Variants in PRDM1 observed in about 807,000 individuals in gnomAD.
PRDM1 encodes PR/SET domain 1.
Under a neutral mutation model 62.8 loss-of-function variants are expected in PRDM1, and 13 were observed. That is an observed-to-expected ratio of 0.21 (90% CI 0.13 to 0.33). The LOEUF (loss-of-function observed/expected upper bound fraction) is 0.33. PRDM1 is among the 10% of genes least tolerant of loss of function. The pLI, the probability that PRDM1 is intolerant of heterozygous loss-of-function variation, is 1.00. For missense variants in PRDM1, 895 were observed against 1,058.8 expected, an observed-to-expected ratio of 0.85 and a Z score of 2.15; for synonymous variants, 396 against 417.6, an observed-to-expected ratio of 0.95 and a Z score of 0.63.
chr6:106,032,328 T>C (rs961743553), intron 1 of PRDM1, among the ~76,000 whole-genome samples: 1 of 148,264 alleles, frequency 6.7e-6, no homozygotes, highest in African/African-American at 2.5e-5. Flanking sequence ...CCAGCTAATT[T>C]TTTTTTTTTT....
intron 1 of PRDM1, among the ~76,000 whole-genome samples, chr6:106,040,159 C>G (rs1267962480): frequency 6.6e-6 from 1 of 152,240 alleles, no homozygotes; most frequent in South Asian, 2.1e-4. Context: ...CTGCTTAACT[C>G]TTTCTTATCT....
At chr6:106,026,123 T>G (rs1232128008) in intron 1 of PRDM1, among the ~76,000 whole-genome samples, 1 of 152,240 alleles carries the variant, frequency 6.6e-6, no homozygotes, top group African/African-American at 2.4e-5. Context: ...GTTTAAGGTT[T>G]TCTTTTTCAT....
chr6:106,008,588 T>C (rs1456628577), intron 1 of PRDM1, among the ~76,000 whole-genome samples: 8 of 152,118 alleles, frequency 5.3e-5, no homozygotes, highest in Admixed American at 5.2e-4. Flanking sequence ...ATAGACAAGA[T>C]AAGTCAAGCG....
In PRDM1 at chr6:106,038,063, C is replaced by T. The variant is rs1183693596; in HGVS notation, c.-67+44424C>T. Among the ~76,000 whole-genome samples, 5 of 100,424 alleles carry T rather than the reference C, an allele frequency of 5.0e-5. No individual in the cohort carries two copies. In the East Asian group the frequency reaches 1.4e-3, roughly 28 times the overall value. 65.9% of individuals were successfully genotyped at this position (100,424 alleles called of 152,430 possible). A position where few individuals can be genotyped will look rare whatever the true frequency, so the allele number is the denominator to read the frequency against. On this transcript the variant is annotated intron_variant, in intron 1 of 6. Coordinates refer to the PRDM1 transcript ENST00000652320. Reference sequence around the variant, plus strand: ...ACAGAGTCTCACTCTGTCACCCAGGCTAGAGTGCAGTGACATGATCTTGGC... The same window carrying T: ...ACAGAGTCTCACTCTGTCACCCAGGTTAGAGTGCAGTGACATGATCTTGGC...
chr6:106,049,704 A>G (rs1244203911), intron 1 of PRDM1, among the ~76,000 whole-genome samples: 1 of 152,096 alleles, frequency 6.6e-6, no homozygotes, highest in African/African-American at 2.4e-5. Flanking sequence ...ACACACACAA[A>G]CACACAGGTG....
intron 1 of PRDM1, among the ~76,000 whole-genome samples, chr6:106,059,466 G>A (rs1048256903): frequency 2.0e-5 from 3 of 152,150 alleles, no homozygotes; most frequent in Non-Finnish European, 4.4e-5. Context: ...GAACAAGTGG[G>A]AGAATGAAAG....
At chr6:106,005,036 C>A (rs183832960) in intron 1 of PRDM1, among the ~76,000 whole-genome samples, 1 of 152,270 alleles carries the variant, frequency 6.6e-6, no homozygotes, top group Non-Finnish European at 1.5e-5. Flanking sequence ...ACCTTTAATT[C>A]TCCAGTTCTT....
At position 106,107,893 on chromosome 6, in the gene PRDM1, A is replaced by AG. The variant is rs1385987086; in HGVS notation, c.*408dup. The AG allele has an allele frequency of 2.2e-5, 5 of 232,248 alleles. No individual in the cohort carries two copies. Among genetic ancestry groups the AG allele is most frequent in the Non-Finnish European group, 3.4e-5 (4 of 117,358 alleles). The allele number at this position is 232,248 out of a possible 1,614,324, so 14.4% of individuals were successfully genotyped here. On this transcript the variant is annotated 3_prime_UTR_variant, in exon 7 of 7. Transcript: ENST00000369096. ...TCATTCAGAAAGCAATAATTAAAAAAGTTTACAATGACTGGAAAGATTCCT... is the reference window on the plus strand; with the variant it reads ...TCATTCAGAAAGCAATAATTAAAAAAGGTTTACAATGACTGGAAAGATTCCT...
chr6:106,078,087 G>T (rs181301442), intron 1 of PRDM1, among the ~76,000 whole-genome samples: 1 of 152,284 alleles, frequency 6.6e-6, no homozygotes, highest in East Asian at 1.9e-4. Flanking sequence ...GTTGACAAAT[G>T]GTTTGTGTTT....
intron 4 of PRDM1, 133 bp from the exon 5 acceptor site, chr6:106,104,692 T>C (rs1774389338): frequency 2.5e-6 from 3 of 1,190,912 alleles, no homozygotes; most frequent in Non-Finnish European, 3.5e-6. Flanking sequence ...TGAGAGTGCG[T>C]TGGAAGCCAG....
intron 1 of PRDM1, among the ~76,000 whole-genome samples, chr6:106,011,713 TG>T (rs1430771655): frequency 6.6e-6 from 1 of 151,986 alleles, no homozygotes; most frequent in Non-Finnish European, 1.5e-5. Context: ...GCGGGTGGCT[TG>T]GGAGTGGTTC....
At chr6:106,022,172 T>TGA (rs1178210754) in intron 1 of PRDM1, among the ~76,000 whole-genome samples, 3 of 152,230 alleles carry the variant, frequency 2.0e-5, no homozygotes, top group Non-Finnish European at 4.4e-5. Flanking sequence ...ATTCGAAATG[T>TGA]GAGATTCCAT....
At chr6:106,012,221 TCA>T (rs1582425407) in intron 1 of PRDM1, among the ~76,000 whole-genome samples, 1 of 102,854 alleles carries the variant, frequency 9.7e-6, no homozygotes, top group Non-Finnish European at 1.9e-5. Context: ...TCCTCCACAT[TCA>T]CACACACCAT....
chr6:106,055,464 T>A (rs1039294354), intron 1 of PRDM1, among the ~76,000 whole-genome samples: 1 of 152,196 alleles, frequency 6.6e-6, no homozygotes, highest in African/African-American at 2.4e-5. Context: ...TATGGTTTAT[T>A]TACTTGTTAG....
Position 106,105,267 on chromosome 6 carries a change from G to A in PRDM1, c.1107G>A (p.Glu369=), listed in dbSNP as rs2114653638. The change falls in exon 5 of 7, where the codon GAG becomes GAA. Residue 369 remains glutamate (E), a synonymous_variant. Coordinates refer to ENST00000369096, the MANE Select transcript of PRDM1 (RefSeq NM_001198.4). ...TVSPVGPGSQ[E]HRDSYAYLNA... ...CCCCTGTGGGCCCCGGCTCTCAAGA[G>A]CACCGGGACTCCTACGCTTACTTGA... 1 of 1,613,808 alleles carries A rather than the reference G, an allele frequency of 6.2e-7. No homozygotes were observed. Among genetic ancestry groups the A allele is most frequent in the Non-Finnish European group, 8.5e-7 (1 of 1,179,986 alleles).
intron 1 of PRDM1, among the ~76,000 whole-genome samples, chr6:106,068,572 C>G (rs1368937013): frequency 6.6e-6 from 1 of 152,126 alleles, no homozygotes; most frequent in African/African-American, 2.4e-5. Flanking sequence ...CCTGCACTTT[C>G]CAAAAGCATG....
intron 1 of PRDM1, among the ~76,000 whole-genome samples, chr6:106,032,822 A>G (rs1772864996): frequency 6.6e-6 from 1 of 152,230 alleles, no homozygotes; most frequent in Non-Finnish European, 1.5e-5. Context: ...CACCTTTCTT[A>G]CTATTTGCTA....
intron 1 of PRDM1, among the ~76,000 whole-genome samples, chr6:106,065,137 T>C (rs1470129351): frequency 6.6e-6 from 1 of 152,292 alleles, no homozygotes; most frequent in South Asian, 2.1e-4. Context: ...TATGTATTTA[T>C]TGAACAAGTG....
At chr6:106,006,514 C>T (rs778291664) in intron 1 of PRDM1, among the ~76,000 whole-genome samples, 17 of 151,814 alleles carry the variant, frequency 1.1e-4, no homozygotes, top group African/African-American at 3.6e-4. Context: ...TATCGTCTCC[C>T]TTTGTATGTA....
Sources: allele counts gnomAD v4.1 joint callset (sites outside exome capture counted in the v4.1 genomes callset), GRCh38; gene constraint gnomAD v4.1.1; transcripts MANE v1.5; gene names NCBI Gene and HGNC (gene_info 2026-07-23, HGNC 2026-07-21).